Variants in RIMKLB observed in about 807,000 individuals in gnomAD.
The protein encoded by RIMKLB is ribosomal modification protein rimK like family member B.
Under a neutral mutation model 32.0 loss-of-function variants are expected in RIMKLB, and 7 were observed. The ratio of observed to expected loss-of-function variants is 0.22; its 90% CI spans 0.12 to 0.41. The LOEUF (loss-of-function observed/expected upper bound fraction) is 0.41, where lower values mean the gene tolerates loss of function less well. Among genes scored for constraint, RIMKLB ranks in the 10% least tolerant of loss-of-function variants. RIMKLB has a pLI of 1.00. For missense variants in RIMKLB, 289 were observed against 498.7 expected, an observed-to-expected ratio of 0.58 and a Z score of 4.00; for synonymous variants, 172 against 185.1, an observed-to-expected ratio of 0.93 and a Z score of 0.57.
intron 3 of RIMKLB, among the ~76,000 whole-genome samples, chr12:8,750,885 T>TCAGTG (rs58799824): frequency 0.071 from 10,735 of 152,170 alleles, 1,223 homozygotes; most frequent in African/African-American, 0.24. Flanking sequence ...CAAACTTAAA[T>TCAGTG]CAGAGTTTTC....
the RIMKLB span, among the ~76,000 whole-genome samples, chr12:8,671,870 C>T: frequency 6.6e-6 from 1 of 152,198 alleles, no homozygotes; most frequent in South Asian, 2.1e-4. Flanking sequence ...TGAGATTGCG[C>T]CATTGCACTC....
the RIMKLB span, among the ~76,000 whole-genome samples, chr12:8,676,061 T>C: frequency 6.6e-6 from 1 of 152,094 alleles, no homozygotes; most frequent in Admixed American, 6.6e-5. Flanking sequence ...GGTTTAAATG[T>C]TTTGGGGGGT....
At chr12:8,742,473 G>T in intron 2 of RIMKLB, 1 of 413,594 alleles carries the variant, frequency 2.4e-6, no homozygotes, top group Non-Finnish European at 4.8e-6. Context: ...GGAGGAGGAG[G>T]ATGTCCTCAA....
chr12:8,744,787 A>C (rs963337687), intron 2 of RIMKLB, among the ~76,000 whole-genome samples: 1 of 151,694 alleles, frequency 6.6e-6, no homozygotes, highest in Non-Finnish European at 1.5e-5. Flanking sequence ...CAGCCTCCCA[A>C]GTAGCTAGGA....
At chr12:8,771,780 A>G (rs1202861190) in intron 5 of RIMKLB, among the ~76,000 whole-genome samples, 1 of 152,026 alleles carries the variant, frequency 6.6e-6, no homozygotes, top group Admixed American at 6.5e-5. Flanking sequence ...TCTTCCTTAT[A>G]CAGTTTTCTG....
In RIMKLB at chr12:8,773,904, G is replaced by GT; in HGVS notation, c.*120_*121insT. 1 of 1,445,868 alleles carries GT rather than the reference G, an allele frequency of 6.9e-7. No individual in the cohort carries two copies. Among genetic ancestry groups the GT allele is most frequent in the South Asian group, 1.5e-5 (1 of 67,636 alleles). 89.6% of individuals were successfully genotyped at this position (1,445,868 alleles called of 1,614,324 possible). A position where few individuals can be genotyped will look rare whatever the true frequency, so the allele number is the denominator to read the frequency against. On this transcript the variant is annotated 3_prime_UTR_variant, in exon 6 of 6. Transcript: ENST00000535829. ...TCAGGAAGATGAGAGAAAATTAGTAGGATTAGTTGGAGAGAGTGGGAGATA... is the reference window on the plus strand; with the variant it reads ...TCAGGAAGATGAGAGAAAATTAGTAGTGATTAGTTGGAGAGAGTGGGAGATA...
At chr12:8,682,709 T>G (rs992618325) in intron 1 of RIMKLB, among the ~76,000 whole-genome samples, 7 of 145,044 alleles carry the variant, frequency 4.8e-5, no homozygotes, top group African/African-American at 1.8e-4. Flanking sequence ...GAGGCGGAGC[T>G]GGCAGTGAGC....
At chr12:8,753,829 A>G (rs1948810508) in intron 4 of RIMKLB, 61 bp from the exon 5 acceptor site, 1 of 1,287,586 alleles carries the variant, frequency 7.8e-7, no homozygotes, top group Non-Finnish European at 1.1e-6. Flanking sequence ...GATTCAGATA[A>G]TAGGTATCAT....
chr12:8,672,129 G>A, the RIMKLB span, among the ~76,000 whole-genome samples: 1 of 152,192 alleles, frequency 6.6e-6, no homozygotes, highest in Non-Finnish European at 1.5e-5. Flanking sequence ...TTCCCAGCAA[G>A]TTCCTCATCT....
At chr12:8,721,508 A>G (rs1392815626) in intron 2 of RIMKLB, among the ~76,000 whole-genome samples, 2 of 152,222 alleles carry the variant, frequency 1.3e-5, no homozygotes, top group Non-Finnish European at 2.9e-5. Context: ...CCATTTGGTC[A>G]TCTGTAAGAA....
chr12:8,766,275 C>T (rs1949951954), intron 5 of RIMKLB, among the ~76,000 whole-genome samples: 1 of 152,136 alleles, frequency 6.6e-6, no homozygotes, highest in Non-Finnish European at 1.5e-5. Context: ...TGTAGCAGTC[C>T]TGCACCTGTT....
intron 2 of RIMKLB, among the ~76,000 whole-genome samples, chr12:8,726,528 T>G (rs967027073): frequency 6.6e-6 from 1 of 152,340 alleles, no homozygotes; most frequent in East Asian, 1.9e-4. Flanking sequence ...TTCTACACTT[T>G]CTTTTGGTTA....
intron 5 of RIMKLB, among the ~76,000 whole-genome samples, chr12:8,760,998 T>C (rs994011274): frequency 5.3e-5 from 8 of 152,182 alleles, no homozygotes; most frequent in Admixed American, 1.3e-4. Flanking sequence ...CTAATAAGGA[T>C]CCTTAAGACC....
intron 2 of RIMKLB, among the ~76,000 whole-genome samples, chr12:8,718,293 A>G (rs1945057063): frequency 6.6e-6 from 1 of 152,156 alleles, no homozygotes; most frequent in South Asian, 2.1e-4. Flanking sequence ...AGAATTGACA[A>G]AAATATTTCC....
intron 1 of RIMKLB, among the ~76,000 whole-genome samples, chr12:8,713,127 G>A (rs749873918): frequency 3.9e-5 from 6 of 152,252 alleles, no homozygotes; most frequent in South Asian, 4.1e-4. Flanking sequence ...AAAACATTGA[G>A]TAAGAGCGTG....
chr12:8,710,710 C>G (rs778390150), intron 1 of RIMKLB, among the ~76,000 whole-genome samples: 10 of 152,192 alleles, frequency 6.6e-5, no homozygotes, highest in Non-Finnish European at 1.5e-4. Context: ...TAATTTCTGA[C>G]TACTGATGTA....
intron 2 of RIMKLB, among the ~76,000 whole-genome samples, chr12:8,732,786 CTT>C (rs1423488427): frequency 2.0e-5 from 3 of 151,756 alleles, no homozygotes; most frequent in African/African-American, 7.3e-5. Flanking sequence ...CACACACTCT[CTT>C]TAATTTTTTT....
intron 2 of RIMKLB, among the ~76,000 whole-genome samples, chr12:8,735,364 G>T (rs1946903669): frequency 6.6e-6 from 1 of 152,144 alleles, no homozygotes; most frequent in Non-Finnish European, 1.5e-5. Context: ...AAAGTAGCTG[G>T]AACTACAGGC....
intron 2 of RIMKLB, among the ~76,000 whole-genome samples, chr12:8,718,822 A>G (rs1945152993): frequency 1.3e-5 from 2 of 152,076 alleles, no homozygotes; most frequent in Admixed American, 6.6e-5. Context: ...CATTTTGAAC[A>G]TCCCTTACCA....
Sources: gnomAD v4.1 joint callset for allele counts (sites outside exome capture counted in the v4.1 genomes callset) on GRCh38, gnomAD v4.1.1 for gene constraint, MANE v1.5 for transcripts, NCBI Gene and HGNC (gene_info 2026-07-23, HGNC 2026-07-21) for gene names.